The following ZDHHC11B variants were observed in gnomAD, a reference collection of about 807,000 sequenced individuals.
The protein encoded by ZDHHC11B is probable palmitoyltransferase ZDHHC11B.
Under a neutral mutation model 42.3 loss-of-function variants are expected in ZDHHC11B, and 17 were observed. The observed-to-expected ratio is 0.40, with a 90% CI of 0.27 to 0.60. The LOEUF is 0.60. Among genes scored for constraint, ZDHHC11B ranks in the 20% least tolerant of loss-of-function variants. ZDHHC11B has a pLI of 0.41. For missense variants in ZDHHC11B, 262 were observed against 463.2 expected, an observed-to-expected ratio of 0.57 and a Z score of 3.99; for synonymous variants, 123 against 193.5, an observed-to-expected ratio of 0.64 and a Z score of 3.02.
intron 13 of ZDHHC11B, among the ~76,000 whole-genome samples, 165 bp downstream of exon 13, chr5:716,636 G>A (rs1387042509): frequency 6.6e-6 from 1 of 151,732 alleles, no homozygotes; most frequent in Non-Finnish European, 1.5e-5. Flanking sequence ...TTCTAAAGAT[G>A]GACACACGGT....
At chr5:729,830 C>T (rs1742882232) in intron 12 of ZDHHC11B, among the ~76,000 whole-genome samples, 1 of 151,776 alleles carries the variant, frequency 6.6e-6, no homozygotes, top group African/African-American at 2.4e-5. Flanking sequence ...GAGTAGATTT[C>T]CTATTACTCT....
chr5:771,109 G>A (rs1311099129), intron 1 of ZDHHC11B, among the ~76,000 whole-genome samples: 1 of 151,880 alleles, frequency 6.6e-6, no homozygotes, highest in Non-Finnish European at 1.5e-5. Flanking sequence ...TCTGCCCACA[G>A]ACACAAGAGC....
intron 1 of ZDHHC11B, among the ~76,000 whole-genome samples, chr5:779,150 G>C (rs1295898518): frequency 6.6e-6 from 1 of 151,508 alleles, no homozygotes; most frequent in African/African-American, 2.4e-5. Context: ...CCTGAGGCTG[G>C]GGCTGCAGTG....
chr5:730,431 T>C lies in ZDHHC11B; in HGVS notation c.1058+3A>G, dbSNP rs1228335642. 2 of 1,578,694 alleles carry C rather than the reference T, an allele frequency of 1.3e-6. No homozygotes were observed. Among genetic ancestry groups the C allele is most frequent in the Non-Finnish European group, 1.7e-6 (2 of 1,169,106 alleles). On this transcript the variant is annotated splice_donor_region_variant and intron_variant, in intron 12 of 13. Coordinates refer to ENST00000508859, the MANE Select transcript of ZDHHC11B (RefSeq NM_001351303.2). The stretch of plus-strand genomic sequence containing the variant: ...AACGTTCCCATTAAACTTACGAACT[T>C]ACCCAAGTGTAGATGTACTCGGGGC...
Position 745,819 on chromosome 5 carries a change from C to T in ZDHHC11B, c.785-521G>A, listed in dbSNP as rs1000784782. ...ACAGTCGGAGGACCACGCAGTGGGG[C>T]GACCACCCCGAGGTGCTGGCTAGCG... On this transcript the variant is annotated intron_variant, in intron 8 of 13. Transcript: ENST00000508859. Among the ~76,000 whole-genome samples, 24 of 149,864 alleles carry T rather than the reference C, an allele frequency of 1.6e-4. 2 individuals are homozygous for T. Among genetic ancestry groups the T allele is most frequent in the South Asian group, 6.7e-4 (3 of 4,476 alleles).
In ZDHHC11B at chr5:718,114, T is replaced by C. The variant is rs992059249; in HGVS notation, c.1059-1249A>G. On this transcript the variant is annotated intron_variant, in intron 12 of 13. Transcript: ENST00000508859. ...TTAATTTCAAATGAAAATAAAAGCATGGCAAAGTATGATAGGTGAAATGGT... is the reference window on the plus strand; with the variant it reads ...TTAATTTCAAATGAAAATAAAAGCACGGCAAAGTATGATAGGTGAAATGGT... 4.0e-5 allele frequency among the ~76,000 whole-genome samples: 6 copies of C among 151,814 alleles called. No homozygotes were observed. In the East Asian group the frequency reaches 5.8e-4, roughly 15 times the overall value.
intron 6 of ZDHHC11B, among the ~76,000 whole-genome samples, chr5:751,488 G>GCATGTGGGA (rs1745719554): frequency 3.5e-5 from 1 of 28,864 alleles, no homozygotes; most frequent in African/African-American, 9.0e-5. Flanking sequence ...GGCATGCAGG[G>GCATGTGGGA]CAGGTGGGGG....
chr5:773,228 T>C (rs1199088578), intron 1 of ZDHHC11B, among the ~76,000 whole-genome samples: 15 of 152,070 alleles, frequency 9.9e-5, no homozygotes, highest in Non-Finnish European at 1.9e-4. Context: ...CATGCTGCTG[T>C]GCCAGCTGCT....
At position 726,560 on chromosome 5, in the gene ZDHHC11B, G is replaced by A. The variant is rs1742624290; in HGVS notation, c.1058+3874C>T. ...CAAAGAGGAATATGATTTAAAGATG[G>A]AGTGGTTTATGCCCATCTTTAACGC... On this transcript the variant is annotated intron_variant, in intron 12 of 13. Transcript: ENST00000508859. Among the ~76,000 whole-genome samples the A allele has an allele frequency of 3.2e-5, 4 of 126,380 alleles. 1 individual carries two copies. The highest frequency in any genetic ancestry group is 7.8e-5 in the Admixed American group (1 of 12,778). 82.9% of individuals were successfully genotyped at this position (126,380 alleles called of 152,430 possible). A position where few individuals can be genotyped will look rare whatever the true frequency, so the allele number is the denominator to read the frequency against.
rs182383137 is a variant in ZDHHC11B, at chr5:713,154, A to G, written c.*8-872T>C. ...AAACATAACATAGCCTTCAAACTGT[A>G]TTCTCATTCATTTTTTTCACATTTT... On this transcript the variant is annotated intron_variant, in intron 13 of 13. Transcript: ENST00000508859. Among the ~76,000 whole-genome samples, 104 of 151,488 alleles carry G rather than the reference A, an allele frequency of 6.9e-4. No individual in the cohort carries two copies. The East Asian group carries it at 0.016, about 23-fold the overall frequency.
intron 4 of ZDHHC11B, among the ~76,000 whole-genome samples, chr5:757,948 T>C (rs1579387367): frequency 6.6e-6 from 1 of 151,584 alleles, no homozygotes; most frequent in South Asian, 2.1e-4. Context: ...AGAGGAGAGG[T>C]CTGCAGGGGC....
At chr5:777,464 G>A (rs748309818) in intron 1 of ZDHHC11B, among the ~76,000 whole-genome samples, 4 of 93,870 alleles carry the variant, frequency 4.3e-5, no homozygotes, top group Admixed American at 1.2e-4. Context: ...TCACAAAAGC[G>A]GCGCGCACCC....
chr5:752,374 C>T (rs139371395), intron 6 of ZDHHC11B, among the ~76,000 whole-genome samples: 10,794 of 96,784 alleles, frequency 0.11, 991 homozygotes, highest in East Asian at 0.36. Flanking sequence ...CCCAGTCTCT[C>T]GTCTTTGCTC....
rs748674108 is a variant in ZDHHC11B at position 745,254 on chromosome 5, T to C, written c.829A>G (p.Lys277Glu). The change falls in exon 9 of 14, where the codon AAA becomes GAA. Residue 277 changes from lysine (K) to glutamate (E), a missense_variant. Around this residue, in one of 5 missense-constraint regions of ZDHHC11B, gnomAD observed 57 missense variants for 103.3 expected, o/e 0.55. Coordinates refer to ENST00000508859, the MANE Select transcript of ZDHHC11B (RefSeq NM_001351303.2). ...TTFEYLINTR[K>E]EESSKHQAVR... ...GCTTGATGTTTTGAACTCTCTTCTT[T>C]GCGGGTATTAATGAGATACTCAAAG... 2 of 1,609,270 alleles carry C rather than the reference T, an allele frequency of 1.2e-6. No homozygotes were observed. Among genetic ancestry groups the C allele is most frequent in the African/African-American group, 2.7e-5 (2 of 74,548 alleles).
chr5:748,602 C>G (rs777440878), intron 7 of ZDHHC11B, 43 bp from the exon 8 acceptor site: 9 of 1,335,224 alleles, frequency 6.7e-6, no homozygotes, highest in Non-Finnish European at 8.9e-6. Context: ...CACCTGCTGA[C>G]GGGTGCCACA....
At chr5:714,159 G>A (rs1741572700) in intron 13 of ZDHHC11B, among the ~76,000 whole-genome samples, 1 of 131,238 alleles carries the variant, frequency 7.6e-6, no homozygotes, top group Non-Finnish European at 1.6e-5. Context: ...TCGGAGCATT[G>A]TCCGATCCTT....
At chr5:722,346 T>C (rs575540274) in intron 12 of ZDHHC11B, among the ~76,000 whole-genome samples, 1 of 151,806 alleles carries the variant, frequency 6.6e-6, no homozygotes, top group Non-Finnish European at 1.5e-5. Flanking sequence ...AAAACTCATA[T>C]AAATCAATAA....
chr5:775,035 G>A (rs1736359334), intron 1 of ZDHHC11B, among the ~76,000 whole-genome samples: 1 of 151,926 alleles, frequency 6.6e-6, no homozygotes, highest in East Asian at 1.9e-4. Context: ...GGAGGCAGGA[G>A]CCATGGAGTC....
chr5:726,345 C>G (rs1262027597), intron 12 of ZDHHC11B, among the ~76,000 whole-genome samples: 1 of 150,342 alleles, frequency 6.7e-6, no homozygotes, highest in Non-Finnish European at 1.5e-5. Context: ...GGTGGACCAG[C>G]TGGATCCAAA....
Sources: gnomAD v4.1 joint callset for allele counts (sites outside exome capture counted in the v4.1 genomes callset) on GRCh38, gnomAD v4.1.1 for gene constraint, gnomAD v4.1.1 regional missense constraint, MANE v1.5 for transcripts, NCBI Gene and HGNC (gene_info 2026-07-23, HGNC 2026-07-21) for gene names.